The following LYPD6 variants were observed in gnomAD, a reference collection of about 807,000 sequenced individuals.
The protein encoded by LYPD6 is LY6/PLAUR domain containing 6, also known as ly6/PLAUR domain-containing protein 6.
Under a neutral mutation model 22.7 loss-of-function variants are expected in LYPD6, and 15 were observed. That is an observed-to-expected ratio of 0.66 (90% CI 0.44 to 1.02). The LOEUF is 1.02. Ranked by LOEUF, LYPD6 falls within the 50% of genes least tolerant of loss-of-function variation. The probability of loss-of-function intolerance (pLI) is 0.00; values close to 1 mark genes in which losing one functional copy is unlikely to be tolerated. For missense variants in LYPD6, 189 were observed against 208.4 expected (o/e 0.91, Z 0.57); for synonymous variants, 72 against 77.5 (o/e 0.93, Z 0.37).
intron 1 of LYPD6, among the ~76,000 whole-genome samples, chr2:149,425,278 A>G (rs1459306752): frequency 6.6e-6 from 1 of 152,228 alleles, no homozygotes; most frequent in African/African-American, 2.4e-5. Context: ...ATTTCTTCAC[A>G]TGCTCTTAGC....
At position 149,450,673 on chromosome 2, in the gene LYPD6, T is replaced by C. The variant is rs537057467; in HGVS notation, c.217+1526T>C. On this transcript the variant is annotated intron_variant, in intron 3 of 4. Coordinates refer to ENST00000334166, the MANE Select transcript of LYPD6 (RefSeq NM_194317.5). ...CATTTCCAAATGGGCCAGTATTTTC[T>C]AACATTACCACTGTGGAATGAACAT... Among the ~76,000 whole-genome samples the C allele has an allele frequency of 3.9e-5, 6 of 152,334 alleles. No homozygotes were observed. In the East Asian group the frequency reaches 1.2e-3, roughly 29 times the overall value.
intron 1 of LYPD6, among the ~76,000 whole-genome samples, chr2:149,376,556 A>G (rs1318192898): frequency 1.3e-5 from 2 of 152,172 alleles, no homozygotes; most frequent in Non-Finnish European, 2.9e-5. Flanking sequence ...TAACTACTTC[A>G]TAGGGTTGTT....
chr2:149,370,290 A>G (rs1681778442), intron 1 of LYPD6, among the ~76,000 whole-genome samples: 1 of 152,140 alleles, frequency 6.6e-6, no homozygotes. Flanking sequence ...AGTTGGGCCC[A>G]GTGTCCCTGT....
At chr2:149,459,157 A>G (rs967003493) in intron 3 of LYPD6, among the ~76,000 whole-genome samples, 4 of 152,234 alleles carry the variant, frequency 2.6e-5, no homozygotes, top group Non-Finnish European at 1.5e-5. Context: ...TGAAATAGCA[A>G]GAGAAAAAGA....
At chr2:149,405,927 T>C (rs1196591143) in intron 1 of LYPD6, among the ~76,000 whole-genome samples, 4 of 147,472 alleles carry the variant, frequency 2.7e-5, no homozygotes, top group African/African-American at 7.7e-5. Flanking sequence ...GATTCTGGTA[T>C]GTTGTGTCTT....
At chr2:149,386,004 C>A (rs184679671) in intron 1 of LYPD6, among the ~76,000 whole-genome samples, 3 of 152,096 alleles carry the variant, frequency 2.0e-5, no homozygotes, top group East Asian at 1.9e-4. Flanking sequence ...TTCAGAATCC[C>A]CCCCCAAGAC....
intron 1 of LYPD6, among the ~76,000 whole-genome samples, chr2:149,411,229 A>G (rs1362910511): frequency 3.9e-5 from 6 of 152,214 alleles, no homozygotes. Flanking sequence ...ACCACTGGCT[A>G]AGCCGTAAAA....
At chr2:149,347,942 G>A (rs979324915) in intron 1 of LYPD6, among the ~76,000 whole-genome samples, 10 of 151,920 alleles carry the variant, frequency 6.6e-5, no homozygotes, top group South Asian at 4.2e-4. Flanking sequence ...GGAGCTGGGC[G>A]TGGTGGCTCA....
chr2:149,433,148 A>G (rs1260173842), intron 1 of LYPD6, among the ~76,000 whole-genome samples: 1 of 152,226 alleles, frequency 6.6e-6, no homozygotes, highest in Non-Finnish European at 1.5e-5. Flanking sequence ...TGTGAGAATT[A>G]AAATTCAACT....
chr2:149,345,625 T>A (rs1056105578), intron 1 of LYPD6, among the ~76,000 whole-genome samples: 9 of 152,026 alleles, frequency 5.9e-5, no homozygotes, highest in Non-Finnish European at 1.2e-4. Flanking sequence ...TTAATTTAAA[T>A]TTTTAAGAAT....
intron 1 of LYPD6, among the ~76,000 whole-genome samples, chr2:149,379,601 G>C (rs1682014534): frequency 6.6e-6 from 1 of 152,180 alleles, no homozygotes; most frequent in African/African-American, 2.4e-5. Context: ...CTTCAGTTCT[G>C]TGTCTTTGTG....
At chr2:149,481,382 T>C in the LYPD6 span, among the ~76,000 whole-genome samples, 2 of 152,220 alleles carry the variant, frequency 1.3e-5, no homozygotes, top group Non-Finnish European at 2.9e-5. Flanking sequence ...CATAAATTGT[T>C]AAAGCTCTTT....
intron 2 of LYPD6, among the ~76,000 whole-genome samples, chr2:149,443,895 G>A (rs1009145749): frequency 6.6e-6 from 1 of 150,534 alleles, no homozygotes; most frequent in Admixed American, 6.6e-5. Context: ...TATTAAGTGT[G>A]GAATAGCATT....
intron 3 of LYPD6, among the ~76,000 whole-genome samples, chr2:149,463,841 C>T (rs1324531496): frequency 6.6e-6 from 1 of 151,590 alleles, no homozygotes; most frequent in East Asian, 1.9e-4. Context: ...AATGCAGTAC[C>T]ATTTAGTGGT....
intron 3 of LYPD6, among the ~76,000 whole-genome samples, chr2:149,460,134 GAA>G (rs1009362510): frequency 4.0e-5 from 6 of 151,874 alleles, no homozygotes; most frequent in African/African-American, 1.5e-4. Context: ...AGGAATGTAA[GAA>G]AAAACAAAAA....
intron 1 of LYPD6, among the ~76,000 whole-genome samples, chr2:149,345,167 A>C (rs1046849610): frequency 1.3e-5 from 2 of 152,174 alleles, no homozygotes; most frequent in African/African-American, 2.4e-5. Flanking sequence ...TTTTTCATAT[A>C]CTTATTGTTG....
intron 1 of LYPD6, among the ~76,000 whole-genome samples, chr2:149,371,894 G>T (rs1223634400): frequency 6.6e-6 from 1 of 152,054 alleles, no homozygotes; most frequent in Non-Finnish European, 1.5e-5. Context: ...TGATCTGAGG[G>T]AGGGGTATTG....
At chr2:149,404,740 A>G (rs1329927874) in intron 1 of LYPD6, among the ~76,000 whole-genome samples, 7 of 152,042 alleles carry the variant, frequency 4.6e-5, no homozygotes, top group African/African-American at 7.2e-5. Flanking sequence ...TCTCCTGCCT[A>G]ATTTCCCTGG....
chr2:149,479,192 T>C, the LYPD6 span, among the ~76,000 whole-genome samples: 5 of 152,184 alleles, frequency 3.3e-5, no homozygotes, highest in Non-Finnish European at 7.3e-5. Flanking sequence ...CTTGAAATAC[T>C]TCCATTGGCT....
Sources: gnomAD v4.1 joint callset for allele counts (sites outside exome capture counted in the v4.1 genomes callset) on GRCh38, gnomAD v4.1.1 for gene constraint, MANE v1.5 for transcripts, NCBI Gene and HGNC (gene_info 2026-07-23, HGNC 2026-07-21) for gene names.